ZNF567: variants seen among roughly 807,000 people sequenced by gnomAD.
ZNF567 encodes the protein zinc finger protein 567.
In ZNF567, 36 loss-of-function variants were observed where a neutral mutation model predicts 53.9. That is an observed-to-expected ratio of 0.67 (90% CI 0.51 to 0.88). The LOEUF (loss-of-function observed/expected upper bound fraction) is 0.88. ZNF567 is among the 40% of genes least tolerant of loss of function. The pLI, the probability that ZNF567 is intolerant of heterozygous loss-of-function variation, is 0.00. For missense variants in ZNF567, 619 were observed against 764.7 expected, an observed-to-expected ratio of 0.81 and a Z score of 2.25; for synonymous variants, 224 against 260.4, an observed-to-expected ratio of 0.86 and a Z score of 1.35.
At chr19:36,674,941 A>G in the ZNF567 span, among the ~76,000 whole-genome samples, 1 of 152,014 alleles carries the variant, frequency 6.6e-6, no homozygotes. Flanking sequence ...TTTAGTAGAG[A>G]TGGGTTTCAC....
At position 36,719,310 on chromosome 19, in the gene ZNF567, G is replaced by A. The variant is rs749818277; in HGVS notation, c.586G>A (p.Val196Ile). The change falls in exon 6 of 6, where the codon GTT becomes ATT. Residue 196 changes from valine (V) to isoleucine (I), a missense_variant. By Grantham distance (29) the Val-to-Ile change is conservative (BLOSUM62 3). Transcript: ENST00000682579. Reference sequence around the variant, plus strand: ...TGCCAGAGCTTTCAGTCATAATGAAGTTCTTATGCAGTATCAGAAAACGGA... The same window carrying A: ...TGCCAGAGCTTTCAGTCATAATGAAATTCTTATGCAGTATCAGAAAACGGA... ...QSARAFSHNE[V>I]LMQYQKTETP... 6.8e-6 allele frequency: 11 copies of A among 1,613,210 alleles called. No homozygotes were observed. The highest frequency in any genetic ancestry group is 1.6e-4 in the Middle Eastern group (1 of 6,078).
chr19:36,714,310 C>T (rs1282250683), intron 5 of ZNF567: 1 of 335,584 alleles, frequency 3.0e-6, no homozygotes, highest in Non-Finnish European at 5.3e-6. Context: ...TACAGGTGCG[C>T]ATCAACAGGC....
chr19:36,673,432 T>C, the ZNF567 span, among the ~76,000 whole-genome samples: 1 of 152,198 alleles, frequency 6.6e-6, no homozygotes, highest in Admixed American at 6.5e-5. Context: ...ATCAGTGGAC[T>C]CTGAATAAAG....
intron 3 of ZNF567, among the ~76,000 whole-genome samples, chr19:36,701,681 G>T (rs2039194107): frequency 6.7e-6 from 1 of 149,258 alleles, no homozygotes; most frequent in Non-Finnish European, 1.5e-5. Context: ...ATTATGTAAT[G>T]GCCTTCTTTG....
Position 36,706,742 on chromosome 19 carries a change from A to G in ZNF567, c.10-5644A>G, listed in dbSNP as rs1468631228. Among the ~76,000 whole-genome samples the G allele has an allele frequency of 4.1e-5, 6 of 147,548 alleles. No homozygotes were observed. The East Asian group carries it at 6.0e-4, about 15-fold the overall frequency. On this transcript the variant is annotated intron_variant, in intron 3 of 5. Coordinates refer to ENST00000682579, the MANE Select transcript of ZNF567 (RefSeq NM_001322917.1). ...AGACTGGAGGGCAGTGGTGCAATCAACCTCCCAGGATCCAGCAATCCTCCC... is the reference window on the plus strand; with the variant it reads ...AGACTGGAGGGCAGTGGTGCAATCAGCCTCCCAGGATCCAGCAATCCTCCC...
At chr19:36,727,262 G>C (rs2040339554), downstream of ZNF567, 1 of 150,866 alleles carries the variant, frequency 6.6e-6, no homozygotes, top group Non-Finnish European at 1.5e-5. Context: ...GTAGAGAAGG[G>C]GTTTCCTATG....
At position 36,711,215 on chromosome 19, in the gene ZNF567, C is replaced by T. The variant is rs543603983; in HGVS notation, c.10-1171C>T. On this transcript the variant is annotated intron_variant, in intron 3 of 5. Coordinates refer to ENST00000682579, the MANE Select transcript of ZNF567 (RefSeq NM_001322917.1). ...GCCTCCCAAGTAGCAGGATTACAGG[C>T]ACCCACCACCACACCCAGCTAATTT... 324 of 152,496 alleles carry T rather than the reference C, an allele frequency of 2.1e-3. 1 individual carries two copies. The South Asian group carries it at 0.024, about 11-fold the overall frequency. The allele number at this position is 152,496 out of a possible 1,614,324, so 9.4% of individuals were successfully genotyped here.
At chr19:36,712,542 A>G (rs1229129000) in intron 4 of ZNF567, 30 bp downstream of exon 4, 1 of 1,613,738 alleles carries the variant, frequency 6.2e-7, no homozygotes, top group Non-Finnish European at 8.5e-7. Context: ...AAACTTTAGT[A>G]GCATGCACTT....
chr19:36,709,777 G>A (rs1337054498), intron 3 of ZNF567, among the ~76,000 whole-genome samples: 1 of 152,166 alleles, frequency 6.6e-6, no homozygotes, highest in Non-Finnish European at 1.5e-5. Flanking sequence ...TAGTATTTTT[G>A]ATGGTGCATT....
the ZNF567 span, among the ~76,000 whole-genome samples, chr19:36,678,725 TC>T: frequency 6.6e-6 from 1 of 151,688 alleles, no homozygotes; most frequent in Non-Finnish European, 1.5e-5. Flanking sequence ...GTGCCTGTAG[TC>T]CCAGCTACTC....
At chr19:36,724,802 T>G (rs1488203415), downstream of ZNF567, among the ~76,000 whole-genome samples, 1 of 151,516 alleles carries the variant, frequency 6.6e-6, no homozygotes, top group Non-Finnish European at 1.5e-5. Flanking sequence ...GAGCTGTGAT[T>G]GTGCCACTGC....
At chr19:36,723,111 C>G, downstream of ZNF567, 1 of 698,978 alleles carries the variant, frequency 1.4e-6, no homozygotes, top group Non-Finnish European at 2.6e-6. Context: ...GAGTTATATA[C>G]TAGTATATGC....
the ZNF567 span, among the ~76,000 whole-genome samples, chr19:36,677,388 G>A: frequency 6.7e-6 from 1 of 149,216 alleles, no homozygotes; most frequent in Non-Finnish European, 1.5e-5. Context: ...GAACTTGGGA[G>A]GCAGAGGTTG....
At chr19:36,721,665 G>T (rs967234125), downstream of ZNF567, among the ~76,000 whole-genome samples, 1 of 149,556 alleles carries the variant, frequency 6.7e-6, no homozygotes, top group African/African-American at 2.5e-5. Flanking sequence ...CAAGGAATTA[G>T]AATTCATACA....
the ZNF567 span, among the ~76,000 whole-genome samples, chr19:36,671,405 G>A: frequency 6.6e-6 from 1 of 152,260 alleles, no homozygotes; most frequent in Middle Eastern, 3.4e-3. Flanking sequence ...GGGTCTCTTC[G>A]GATTTTGGAA....
the ZNF567 span, among the ~76,000 whole-genome samples, chr19:36,674,212 G>A: frequency 6.6e-6 from 1 of 152,174 alleles, no homozygotes; most frequent in Non-Finnish European, 1.5e-5. Flanking sequence ...GGGGGTTTCT[G>A]AGTAAGACAC....
intron 3 of ZNF567, among the ~76,000 whole-genome samples, chr19:36,706,328 T>C (rs2039484671): frequency 6.6e-6 from 1 of 152,178 alleles, no homozygotes; most frequent in African/African-American, 2.4e-5. Flanking sequence ...GGGCCTCGCT[T>C]TGTAGCCCAG....
chr19:36,691,351 G>C (rs1469646945), intron 2 of ZNF567, among the ~76,000 whole-genome samples: 1 of 151,920 alleles, frequency 6.6e-6, no homozygotes, highest in Non-Finnish European at 1.5e-5. Context: ...TTTTTGTACA[G>C]TTGGGGGTCT....
chr19:36,675,112 A>G, the ZNF567 span, among the ~76,000 whole-genome samples: 1 of 152,226 alleles, frequency 6.6e-6, no homozygotes, highest in Non-Finnish European at 1.5e-5. Flanking sequence ...CCTTAAACAT[A>G]CATTCTAAAA....
Sources: allele counts gnomAD v4.1 joint callset (sites outside exome capture counted in the v4.1 genomes callset), GRCh38; gene constraint gnomAD v4.1.1; transcripts MANE v1.5; gene names NCBI Gene and HGNC (gene_info 2026-07-23, HGNC 2026-07-21).